ZNF713: variants seen among roughly 807,000 people sequenced by gnomAD.
The protein encoded by ZNF713 is zinc finger protein 713.
Under a neutral mutation model 28.7 loss-of-function variants are expected in ZNF713, and 21 were observed. The ratio of observed to expected loss-of-function variants is 0.73; its 90% confidence interval spans 0.52 to 1.05. The LOEUF is 1.05. Among genes scored for constraint, ZNF713 ranks in the 50% least tolerant of loss-of-function variants. The pLI is 0.00. For synonymous variants in ZNF713, 167 were observed against 178.0 expected, an observed-to-expected ratio of 0.94 and a Z score of 0.49; for missense variants, 458 against 532.4, an observed-to-expected ratio of 0.86 and a Z score of 1.37.
At chr7:55,901,358 C>T (rs933834813) in intron 1 of ZNF713, among the ~76,000 whole-genome samples, 1 of 152,124 alleles carries the variant, frequency 6.6e-6, no homozygotes. Context: ...GAGACCTGCC[C>T]CCATGATTCA....
chr7:55,895,047 T>G (rs1017837270), intron 1 of ZNF713, among the ~76,000 whole-genome samples: 5 of 152,194 alleles, frequency 3.3e-5, no homozygotes, highest in Admixed American at 1.3e-4. Flanking sequence ...AATTTGTGTT[T>G]TAATATTTGC....
At chr7:55,892,979 TTC>T (rs1785416593) in intron 1 of ZNF713, among the ~76,000 whole-genome samples, 2 of 151,260 alleles carry the variant, frequency 1.3e-5, no homozygotes, top group South Asian at 4.2e-4. Flanking sequence ...GTCTCCCGGG[TTC>T]ACGCCATTCT....
At chr7:55,936,899 T>G (rs968314645) in intron 6 of ZNF713, among the ~76,000 whole-genome samples, 2 of 152,086 alleles carry the variant, frequency 1.3e-5, no homozygotes, top group African/African-American at 2.4e-5. Context: ...ATGAAGCCAT[T>G]TTAACCATCT....
At chr7:55,936,264 C>CAAAAAAA (rs5884432) in intron 6 of ZNF713, among the ~76,000 whole-genome samples, 2 of 130,686 alleles carry the variant, frequency 1.5e-5, no homozygotes, top group Non-Finnish European at 1.6e-5. Flanking sequence ...GACTCTGTCC[C>CAAAAAAA]AAAAAAAAAA....
rs187201683 is a variant in ZNF713, at chr7:55,919,601, G to A, written c.88-3561G>A. Reference sequence around the variant, plus strand: ...GCTCACTGCAACCTCCACCTCCCGGGTTCAAGCAATTCTCCTGCCCCAGCC... The same window carrying A: ...GCTCACTGCAACCTCCACCTCCCGGATTCAAGCAATTCTCCTGCCCCAGCC... On this transcript the variant is annotated intron_variant, in intron 4 of 6. Transcript: ENST00000429591. Among the ~76,000 whole-genome samples the A allele has an allele frequency of 9.7e-4, 140 of 144,374 alleles. 1 individual carries two copies. The Middle Eastern group carries it at 0.011, about 11-fold the overall frequency. 94.7% of individuals were successfully genotyped at this position (144,374 alleles called of 152,430 possible). A position where few individuals can be genotyped will look rare whatever the true frequency, so the allele number is the denominator to read the frequency against.
intron 4 of ZNF713, among the ~76,000 whole-genome samples, chr7:55,913,327 G>A (rs1195786315): frequency 6.8e-6 from 1 of 148,012 alleles, no homozygotes; most frequent in Non-Finnish European, 1.5e-5. Context: ...TCAGCCTCCC[G>A]AGTAGCTGAG....
chr7:55,890,176 G>T (rs964836654), intron 1 of ZNF713, among the ~76,000 whole-genome samples: 1 of 152,046 alleles, frequency 6.6e-6, no homozygotes, highest in Non-Finnish European at 1.5e-5. Context: ...CAGGCCCGGC[G>T]CAGTGGCTCA....
chr7:55,897,079 C>T (rs1281551387), intron 1 of ZNF713, among the ~76,000 whole-genome samples: 1 of 152,034 alleles, frequency 6.6e-6, no homozygotes, highest in Non-Finnish European at 1.5e-5. Context: ...GGATAAGAAG[C>T]AGTTTTTCCT....
At chr7:55,929,519 G>A (rs1786168448) in intron 6 of ZNF713, among the ~76,000 whole-genome samples, 1 of 152,106 alleles carries the variant, frequency 6.6e-6, no homozygotes, top group Non-Finnish European at 1.5e-5. Flanking sequence ...AGACAGAATT[G>A]GATCTATAGC....
rs61092452 is a variant in ZNF713, at chr7:55,932,890, C to CAAAAAAAAAAAA, written c.308-6083_308-6072dup. 7.8e-3 allele frequency among the ~76,000 whole-genome samples: 372 copies of CAAAAAAAAAAAA among 47,652 alleles called. 10 individuals carry two copies. Among genetic ancestry groups the CAAAAAAAAAAAA allele is most frequent in the Middle Eastern group, 0.023 (1 of 44 alleles). The allele number at this position is 47,652 out of a possible 152,430, so 31.3% of individuals were successfully genotyped here. A position where few individuals can be genotyped will look rare whatever the true frequency, so the allele number is the denominator to read the frequency against. The stretch of plus-strand genomic sequence containing the variant: ...TGGGCGACAGAGCGAGACTCCGTCT[C>CAAAAAAAAAAAA]AAAAAAAAAAAAAAAAAAAAGAAGC... On this transcript the variant is annotated intron_variant, in intron 6 of 6. Coordinates refer to ENST00000429591, the MANE Select transcript of ZNF713 (RefSeq NM_182633.3).
At chr7:55,917,225 A>G (rs1785898703) in intron 4 of ZNF713, among the ~76,000 whole-genome samples, 1 of 150,738 alleles carries the variant, frequency 6.6e-6, no homozygotes, top group Admixed American at 6.6e-5. Context: ...AAACAAACAA[A>G]CAAACAAACA....
chr7:55,914,466 A>G (rs561915871), intron 4 of ZNF713, among the ~76,000 whole-genome samples: 38 of 152,224 alleles, frequency 2.5e-4, no homozygotes, highest in African/African-American at 7.9e-4. Flanking sequence ...AAGTGCTGGG[A>G]TTGCAGGTGT....
At chr7:55,897,624 A>C (rs73358466) in intron 1 of ZNF713, among the ~76,000 whole-genome samples, 25 of 152,176 alleles carry the variant, frequency 1.6e-4, no homozygotes, top group African/African-American at 6.0e-4. Flanking sequence ...TTCCCCCAGG[A>C]TATTTATTAG....
chr7:55,936,835 G>C (rs575814954), intron 6 of ZNF713, among the ~76,000 whole-genome samples: 1 of 152,236 alleles, frequency 6.6e-6, no homozygotes, highest in East Asian at 1.9e-4. Flanking sequence ...ATGACAAGGG[G>C]TGAGGGGGAG....
intron 2 of ZNF713, among the ~76,000 whole-genome samples, chr7:55,911,144 T>C (rs1785775225): frequency 1.3e-5 from 2 of 152,218 alleles, no homozygotes; most frequent in African/African-American, 4.8e-5. Context: ...GAACTGCAGT[T>C]TTCTCTTTTA....
At chr7:55,898,570 G>T (rs149028400) in intron 1 of ZNF713, among the ~76,000 whole-genome samples, 70 of 152,266 alleles carry the variant, frequency 4.6e-4, no homozygotes, top group African/African-American at 1.6e-3. Flanking sequence ...ATCAGATCTC[G>T]TGAGAATTCA....
chr7:55,913,270 C>T (rs1000607123), intron 4 of ZNF713, among the ~76,000 whole-genome samples: 2 of 137,456 alleles, frequency 1.5e-5, no homozygotes, highest in African/African-American at 5.6e-5. Flanking sequence ...GGCACGATCT[C>T]GGTTCACTGC....
intron 6 of ZNF713, among the ~76,000 whole-genome samples, chr7:55,937,215 G>A (rs1266917627): frequency 1.3e-5 from 2 of 151,968 alleles, no homozygotes; most frequent in African/African-American, 4.8e-5. Flanking sequence ...CACAAGAATC[G>A]CTTGAACCCA....
chr7:55,939,407 A>G lies in ZNF713; in HGVS notation c.733A>G (p.Asn245Asp), dbSNP rs985534366. The G allele has an allele frequency of 1.2e-6, 2 of 1,613,868 alleles. No individual in the cohort carries two copies. The highest frequency in any genetic ancestry group is 1.6e-4 in the Middle Eastern group (1 of 6,062). The change falls in exon 7 of 7, where the codon AAT becomes GAT. Residue 245 changes from asparagine to aspartate, a missense_variant. Physicochemically the swap from Asn to Asp is conservative, Grantham distance 23. Transcript: ENST00000429591. ...YEYSECGKIF[N>D]QHILLTDHIH... ...ATATAGTGAGTGTGGAAAAATCTTC[A>G]ATCAACATATTCTTCTTACTGATCA...
Sources: gnomAD v4.1 joint callset for allele counts (sites outside exome capture counted in the v4.1 genomes callset) on GRCh38, gnomAD v4.1.1 for gene constraint, MANE v1.5 for transcripts, NCBI Gene and HGNC (gene_info 2026-07-23, HGNC 2026-07-21) for gene names.